MTUS2: variants seen among roughly 807,000 people sequenced by gnomAD.
The protein encoded by MTUS2 is microtubule associated scaffold protein 2.
A neutral mutation model predicts 114.1 loss-of-function variants in MTUS2; 40 were observed. The ratio of observed to expected loss-of-function variants is 0.35; its 90% CI spans 0.27 to 0.46. The LOEUF is 0.46. Among genes scored for constraint, MTUS2 ranks in the 20% least tolerant of loss-of-function variants. MTUS2 has a pLI of 1.00. For missense variants in MTUS2, 1,679 were observed against 1,705.4 expected (o/e 0.98, Z 0.27); for synonymous variants, 688 against 672.0 (o/e 1.02, Z -0.37).
rs527918363 is a variant in MTUS2, at chr13:29,084,785, C to T, written c.2447-15988C>T. Among the ~76,000 whole-genome samples the T allele has an allele frequency of 4.6e-4, 51 of 110,916 alleles. 2 individuals are homozygous for T. Among genetic ancestry groups the T allele is most frequent in the East Asian group, 8.7e-4 (4 of 4,598 alleles). 72.8% of individuals were successfully genotyped at this position (110,916 alleles called of 152,430 possible). On this transcript the variant is annotated intron_variant, in intron 4 of 15. Coordinates refer to ENST00000612955, the MANE Select transcript of MTUS2 (RefSeq NM_001033602.4). ...ACTCCTGACCTCAGGTGATCCACCC[C>T]CCCCCCTCACCGTTGGCCTTCCAAA...
chr13:28,875,548 T>C (rs1405688545), intron 2 of MTUS2, among the ~76,000 whole-genome samples: 1 of 152,134 alleles, frequency 6.6e-6, no homozygotes, highest in East Asian at 1.9e-4. Context: ...ACTGTTAGTA[T>C]ATGTGCTGTT....
intron 5 of MTUS2, among the ~76,000 whole-genome samples, chr13:29,193,996 G>A (rs976170948): frequency 6.6e-6 from 1 of 151,780 alleles, no homozygotes; most frequent in Non-Finnish European, 1.5e-5. Flanking sequence ...AATGGGGAAA[G>A]GATTCCCTAT....
chr13:29,111,689 T>C (rs1303194496), intron 5 of MTUS2, among the ~76,000 whole-genome samples: 1 of 152,212 alleles, frequency 6.6e-6, no homozygotes, highest in Non-Finnish European at 1.5e-5. Context: ...GTAACATGCA[T>C]AGGCCATCTT....
At position 29,188,442 on chromosome 13, in the gene MTUS2, C is replaced by T. The variant is rs907044709; in HGVS notation, c.2644+87472C>T. On this transcript the variant is annotated intron_variant, in intron 5 of 15. Transcript: ENST00000612955. ...CCTAAATTGTTTATTTCTTACATAG[C>T]TGACTGGGATCCATTAGCTCAAAAG... Among the ~76,000 whole-genome samples the T allele has an allele frequency of 7.2e-5, 11 of 152,178 alleles. No homozygotes were observed. In the South Asian group the frequency reaches 2.3e-3, roughly 31 times the overall value.
intron 7 of MTUS2, among the ~76,000 whole-genome samples, chr13:29,344,502 G>C (rs1184945192): frequency 1.3e-5 from 2 of 152,102 alleles, no homozygotes; most frequent in African/African-American, 4.8e-5. Flanking sequence ...TGCATGGAAT[G>C]TCTTTTTCCA....
At chr13:28,956,843 G>T (rs957329150) in intron 2 of MTUS2, among the ~76,000 whole-genome samples, 1 of 151,808 alleles carries the variant, frequency 6.6e-6, no homozygotes, top group Non-Finnish European at 1.5e-5. Flanking sequence ...ACAGAGGGAA[G>T]AAGGCTGCCC....
chr13:28,867,867 T>C (rs1191971926), intron 2 of MTUS2, among the ~76,000 whole-genome samples: 2 of 152,232 alleles, frequency 1.3e-5, no homozygotes, highest in Admixed American at 1.3e-4. Context: ...ATTGCATTGC[T>C]GAGCCTTTTC....
intron 2 of MTUS2, among the ~76,000 whole-genome samples, chr13:28,864,428 G>A (rs1877176506): frequency 6.6e-6 from 1 of 152,222 alleles, no homozygotes; most frequent in Non-Finnish European, 1.5e-5. Context: ...ACTGACACCT[G>A]CAGCTCTTGA....
intron 4 of MTUS2, among the ~76,000 whole-genome samples, chr13:29,069,878 T>A (rs1264289022): frequency 1.3e-5 from 2 of 152,262 alleles, no homozygotes; most frequent in Non-Finnish European, 2.9e-5. Flanking sequence ...TTGGTTGATA[T>A]AAAATCTCAA....
chr13:28,915,111 T>A (rs907614530), intron 2 of MTUS2, among the ~76,000 whole-genome samples: 2 of 151,998 alleles, frequency 1.3e-5, no homozygotes, highest in African/African-American at 4.8e-5. Context: ...TATTGTTATG[T>A]GTGAATTGAG....
chr13:28,879,826 A>G (rs1186234420), intron 2 of MTUS2, among the ~76,000 whole-genome samples: 1 of 151,204 alleles, frequency 6.6e-6, no homozygotes, highest in African/African-American at 2.5e-5. Flanking sequence ...GATGTATCTA[A>G]GTGTGATTGG....
At chr13:28,890,406 A>C (rs143356062) in intron 2 of MTUS2, among the ~76,000 whole-genome samples, 8 of 152,180 alleles carry the variant, frequency 5.3e-5, no homozygotes, top group Non-Finnish European at 8.8e-5. Flanking sequence ...CCTGGGTTCA[A>C]ATCCTGGCTC....
intron 2 of MTUS2, among the ~76,000 whole-genome samples, chr13:28,915,417 A>G (rs1454119486): frequency 2.0e-5 from 3 of 151,890 alleles, no homozygotes; most frequent in Non-Finnish European, 3.0e-5. Context: ...TCAACCAACA[A>G]TGTATGAGGG....
chr13:29,488,132 T>C, intron 11 of MTUS2, 127 bp downstream of exon 11: 1 of 706,850 alleles, frequency 1.4e-6, no homozygotes, highest in Admixed American at 2.4e-5. Flanking sequence ...CCTGGTGCAT[T>C]TTTTCCTGTT....
intron 2 of MTUS2, among the ~76,000 whole-genome samples, chr13:28,878,656 T>A (rs772149964): frequency 6.6e-6 from 1 of 152,262 alleles, no homozygotes; most frequent in Non-Finnish European, 1.5e-5. Flanking sequence ...GCAAAAGACA[T>A]GATCTCATTC....
chr13:29,482,168 GAGGAGACGTAAGAGGTGGTCCGCAGGC>G (rs1489909405), intron 10 of MTUS2: 1 of 152,232 alleles, frequency 6.6e-6, no homozygotes, highest in Non-Finnish European at 1.5e-5. Context: ...AGAAGGTGAG[GAGGAGACGTAAGAGGTGGTCCGCAGGC>G]AGGAGACCCT....
chr13:29,145,035 GT>G (rs1250355197), intron 5 of MTUS2, among the ~76,000 whole-genome samples: 2 of 152,110 alleles, frequency 1.3e-5, no homozygotes, highest in African/African-American at 4.8e-5. Flanking sequence ...ATCATTTAAG[GT>G]TGCTGGATGA....
intron 1 of MTUS2, among the ~76,000 whole-genome samples, chr13:28,831,085 G>A (rs1268494337): frequency 6.6e-6 from 1 of 152,048 alleles, no homozygotes; most frequent in Non-Finnish European, 1.5e-5. Context: ...AAGAAATAAA[G>A]AGTAGCAGTA....
intron 5 of MTUS2, among the ~76,000 whole-genome samples, chr13:29,189,393 C>T (rs957502112): frequency 4.6e-5 from 7 of 152,236 alleles, no homozygotes; most frequent in African/African-American, 1.4e-4. Flanking sequence ...GAGTGATATG[C>T]TCCCATGCAT....
Sources: allele counts gnomAD v4.1 joint callset (sites outside exome capture counted in the v4.1 genomes callset), GRCh38; gene constraint gnomAD v4.1.1; transcripts MANE v1.5; gene names NCBI Gene and HGNC (gene_info 2026-07-23, HGNC 2026-07-21).